The following STPG2 variants were observed in gnomAD, a reference collection of about 807,000 sequenced individuals.
STPG2 encodes sperm-tail PG-rich repeat-containing protein 2.
Under a neutral mutation model 54.2 loss-of-function variants are expected in STPG2, and 56 were observed. The ratio of observed to expected loss-of-function variants is 1.03; its 90% CI spans 0.83 to 1.29. STPG2 has a LOEUF of 1.29. STPG2 is among the 50% of genes most tolerant of loss of function. STPG2 has a pLI of 0.00. For missense variants in STPG2, 596 were observed against 544.9 expected, an observed-to-expected ratio of 1.09 and a Z score of -0.93; for synonymous variants, 200 against 181.8, an observed-to-expected ratio of 1.10 and a Z score of -0.81.
At chr4:97,907,623 C>A (rs1330500653) in intron 8 of STPG2, among the ~76,000 whole-genome samples, 1 of 152,108 alleles carries the variant, frequency 6.6e-6, no homozygotes, top group Non-Finnish European at 1.5e-5. Flanking sequence ...AACTATACTA[C>A]AAGGCTACAG....
At chr4:97,901,536 A>G (rs1429583101) in intron 8 of STPG2, among the ~76,000 whole-genome samples, 3 of 152,038 alleles carry the variant, frequency 2.0e-5, no homozygotes, top group African/African-American at 7.2e-5. Context: ...TGCACTAACA[A>G]CAAACTATTT....
chr4:97,792,998 CA>C (rs1199746298), intron 9 of STPG2, among the ~76,000 whole-genome samples: 1 of 151,900 alleles, frequency 6.6e-6, no homozygotes, highest in Non-Finnish European at 1.5e-5. Context: ...ACTAATAATA[CA>C]AAAATTAGCC....
chr4:98,082,657 T>C (rs1738385824), intron 5 of STPG2, among the ~76,000 whole-genome samples: 1 of 151,772 alleles, frequency 6.6e-6, no homozygotes, highest in East Asian at 1.9e-4. Context: ...TTTCGCCACG[T>C]TGGCCTGGAT....
At chr4:97,736,834 T>C (rs1405420435) in intron 9 of STPG2, among the ~76,000 whole-genome samples, 9 of 152,194 alleles carry the variant, frequency 5.9e-5, no homozygotes, top group Non-Finnish European at 1.2e-4. Flanking sequence ...AATGTCCCTG[T>C]CTGACAGCTT....
chr4:97,594,131 A>G (rs913523528), intron 10 of STPG2, among the ~76,000 whole-genome samples: 1 of 152,210 alleles, frequency 6.6e-6, no homozygotes, highest in Non-Finnish European at 1.5e-5. Flanking sequence ...TTCCCCAGCA[A>G]TGGTTTTTAA....
At chr4:97,481,003 T>C (rs563539115) in intron 4 of STPG2, among the ~76,000 whole-genome samples, 2 of 151,676 alleles carry the variant, frequency 1.3e-5, no homozygotes, top group African/African-American at 4.8e-5. Context: ...ACTAGAATTT[T>C]ATTTTCAGTA....
intron 8 of STPG2, among the ~76,000 whole-genome samples, chr4:97,942,687 C>G (rs1317685525): frequency 6.6e-6 from 1 of 152,054 alleles, no homozygotes; most frequent in Non-Finnish European, 1.5e-5. Flanking sequence ...ATTTGTCATT[C>G]CCTTAAATTA....
At chr4:97,506,032 A>AT (rs1251553652) in intron 4 of STPG2, among the ~76,000 whole-genome samples, 1 of 149,354 alleles carries the variant, frequency 6.7e-6, no homozygotes, top group African/African-American at 2.4e-5. Context: ...AAAAAAAAAA[A>AT]AAAAAAAAAA....
intron 8 of STPG2, among the ~76,000 whole-genome samples, chr4:97,871,568 T>G (rs1425107791): frequency 2.6e-5 from 4 of 151,136 alleles, no homozygotes; most frequent in Non-Finnish European, 5.9e-5. Flanking sequence ...ATGAATAATT[T>G]CTTTAGAAAA....
chr4:97,484,906 T>C (rs764240001), intron 4 of STPG2, among the ~76,000 whole-genome samples: 3 of 151,878 alleles, frequency 2.0e-5, no homozygotes, highest in Non-Finnish European at 2.9e-5. Context: ...CAGTTTGATA[T>C]ACACAAGTCA....
chr4:98,060,973 C>T (rs753005159), intron 5 of STPG2, among the ~76,000 whole-genome samples: 1 of 152,054 alleles, frequency 6.6e-6, no homozygotes, highest in African/African-American at 2.4e-5. Context: ...CCCTGGAAGA[C>T]AACCTAGACA....
At chr4:98,041,900 C>A (rs1235459918) in intron 5 of STPG2, among the ~76,000 whole-genome samples, 1 of 151,870 alleles carries the variant, frequency 6.6e-6, no homozygotes, top group Non-Finnish European at 1.5e-5. Context: ...ATAATTTCCG[C>A]AGAATTGGTA....
At chr4:97,536,419 A>C (rs1238805130) in intron 4 of STPG2, among the ~76,000 whole-genome samples, 1 of 152,100 alleles carries the variant, frequency 6.6e-6, no homozygotes, top group East Asian at 1.9e-4. Context: ...ATTCCCCTTG[A>C]GCTCTGTCTC....
chr4:97,958,963 T>C (rs1421768103), intron 7 of STPG2, among the ~76,000 whole-genome samples: 1 of 152,174 alleles, frequency 6.6e-6, no homozygotes, highest in East Asian at 1.9e-4. Flanking sequence ...AGATAGACCA[T>C]ATGATAGGCC....
chr4:97,923,353 C>T (rs1732195006), intron 8 of STPG2, among the ~76,000 whole-genome samples: 1 of 152,034 alleles, frequency 6.6e-6, no homozygotes. Flanking sequence ...CAAGTGCCGC[C>T]CCCTGCTCCA....
chr4:97,620,502 T>A (rs1733983230), intron 10 of STPG2, among the ~76,000 whole-genome samples: 2 of 152,060 alleles, frequency 1.3e-5, no homozygotes, highest in African/African-American at 4.8e-5. Context: ...CTGGTCTAAT[T>A]TCAGATAAAG....
intron 8 of STPG2, among the ~76,000 whole-genome samples, chr4:97,853,161 G>A (rs890680396): frequency 6.6e-6 from 1 of 151,352 alleles, no homozygotes; most frequent in Non-Finnish European, 1.5e-5. Context: ...TATTTTTTTA[G>A]TACAGACGGG....
At chr4:97,639,060 G>A (rs1312683307) in intron 10 of STPG2, among the ~76,000 whole-genome samples, 4 of 152,014 alleles carry the variant, frequency 2.6e-5, no homozygotes, top group Non-Finnish European at 5.9e-5. Flanking sequence ...GTTTATTGCG[G>A]CATTATTCAC....
chr4:97,907,803 C>G (rs1731502160), intron 8 of STPG2, among the ~76,000 whole-genome samples: 1 of 152,158 alleles, frequency 6.6e-6, no homozygotes, highest in South Asian at 2.1e-4. Context: ...GGTGGGAAAA[C>G]TGGCTAGCCA....
Sources: allele counts gnomAD v4.1 joint callset (sites outside exome capture counted in the v4.1 genomes callset), GRCh38; gene constraint gnomAD v4.1.1; transcripts MANE v1.5; gene names NCBI Gene and HGNC (gene_info 2026-07-23, HGNC 2026-07-21).